Variants in DGKA observed in about 807,000 individuals in gnomAD.
DGKA encodes the protein 80 kDa diacylglycerol kinase.
In DGKA, 35 loss-of-function variants were observed where a neutral mutation model predicts 105.0. The observed-to-expected ratio is 0.33, with a 90% CI of 0.25 to 0.44. The LOEUF (loss-of-function observed/expected upper bound fraction) is 0.44, where lower values mean the gene tolerates loss of function less well. DGKA is among the 20% of genes least tolerant of loss of function. The pLI is 1.00. For missense variants in DGKA, 665 were observed against 915.0 expected, an observed-to-expected ratio of 0.73 and a Z score of 3.53; for synonymous variants, 296 against 332.0, an observed-to-expected ratio of 0.89 and a Z score of 1.18.
In DGKA at chr12:55,942,243, G is replaced by T. The variant is rs771180702; in HGVS notation, c.1406G>T (p.Arg469Leu). The part of the protein sequence containing the change: ...LPLGTGNDLA[R>L]CLRWGGGYEG... ...CTGGGTACTGGAAATGATCTGGCTC[G>T]ATGCCTAAGATGGGGAGGAGGTAAG... Residue 469 changes from arginine (R) to leucine (L), a missense_variant, in exon 17 of 24, where the codon CGA becomes CTA. This residue lies in a region of DGKA where 504 missense variants were observed against 681.2 expected (regional missense o/e 0.74). Transcript: ENST00000331886. 6.2e-7 allele frequency: 1 copy of T among 1,614,184 alleles called. No homozygotes were observed. The highest frequency in any genetic ancestry group is 8.5e-7 in the Non-Finnish European group (1 of 1,180,038).
intron 22 of DGKA, 75 bp from the exon 23 acceptor site, chr12:55,953,275 C>T: frequency 6.2e-7 from 1 of 1,611,856 alleles, no homozygotes; most frequent in Non-Finnish European, 8.5e-7. Context: ...CAAAAGGTCT[C>T]AAAGCCAACC....
intron 17 of DGKA, among the ~76,000 whole-genome samples, chr12:55,943,997 A>G (rs973727098): frequency 2.6e-5 from 4 of 152,144 alleles, no homozygotes; most frequent in Admixed American, 6.6e-5. Context: ...ATGTAGCACT[A>G]ATGAAAATGT....
intron 17 of DGKA, 150 bp downstream of exon 17, chr12:55,942,413 A>G: frequency 1.4e-6 from 1 of 707,422 alleles, no homozygotes; most frequent in Non-Finnish European, 2.4e-6. Flanking sequence ...AATGTCCAAA[A>G]AGAAGAGAGC....
intron 23 of DGKA, 84 bp from the exon 24 acceptor site, chr12:55,953,601 C>T: frequency 6.8e-7 from 1 of 1,477,488 alleles, no homozygotes. Context: ...CCACCCCAAA[C>T]CCCACAGATT....
intron 17 of DGKA, among the ~76,000 whole-genome samples, chr12:55,950,106 C>T (rs1224437425): frequency 6.6e-6 from 1 of 151,548 alleles, no homozygotes; most frequent in African/African-American, 2.4e-5. Context: ...TCCCAAGTAG[C>T]TGGGATTGCA....
rs374405724 is a variant in DGKA, at chr12:55,939,379, C to T, written c.595-36C>T. 1.8e-5 allele frequency: 29 copies of T among 1,613,776 alleles called. No homozygotes were observed. The Middle Eastern group carries it at 4.9e-4, about 27-fold the overall frequency. ...CTTGCCCGGATTGGCCCTGTAAGGG[C>T]TTTGACACTCCCTAGCATCTACTGT... is the stretch of plus-strand genomic sequence containing the variant. On this transcript the variant is annotated intron_variant, in intron 8 of 23. Transcript: ENST00000331886.
In DGKA at chr12:55,947,947, G is replaced by A. The variant is rs141325411; in HGVS notation, c.1427-3676G>A. Among the ~76,000 whole-genome samples, 520 of 151,896 alleles carry A rather than the reference G, an allele frequency of 3.4e-3. 3 individuals are homozygous for A. Among genetic ancestry groups the A allele is most frequent in the Non-Finnish European group, 3.1e-3 (211 of 67,942 alleles). ...TGGGACTAAAGGCACGCGCCACCAC[G>A]CCTGGCTAATTTTTTGTATTTTCGG... is the stretch of plus-strand genomic sequence containing the variant. On this transcript the variant is annotated intron_variant, in intron 17 of 23. Transcript: ENST00000331886.
chr12:55,935,222 C>G (rs1162344893), intron 1 of DGKA: 1 of 152,180 alleles, frequency 6.6e-6, no homozygotes, highest in African/African-American at 2.4e-5. Context: ...AAATGTCAGG[C>G]ATTGTATGAG....
At chr12:55,936,250 G>A in intron 1 of DGKA, 173 bp from the exon 2 acceptor site, 3 of 704,646 alleles carry the variant, frequency 4.3e-6, no homozygotes, top group Non-Finnish European at 6.4e-6. Flanking sequence ...TGTCAGGGAA[G>A]GTAGAGGCAT....
chr12:55,927,966 A>G (rs932998768), upstream of DGKA: 3 of 602,594 alleles, frequency 5.0e-6, no homozygotes, highest in Non-Finnish European at 5.6e-6. Context: ...TAGTATTCTA[A>G]TTAAACTCGT....
At chr12:55,941,891 G>C in intron 15 of DGKA, 107 bp from the exon 16 acceptor site, 1 of 1,186,140 alleles carries the variant, frequency 8.4e-7, no homozygotes, top group Non-Finnish European at 1.3e-6. Context: ...TGACAAAAAG[G>C]AGGAGGGTCC....
In DGKA at chr12:55,932,584, G is replaced by A; in HGVS notation, c.-82+1240G>A. On this transcript the variant is annotated intron_variant, in intron 1 of 23. Transcript: ENST00000331886. This position sits in a 1 kb window ranked among gnomAD's most constrained non-coding sequence, Gnocchi z 4.3. ...AGGAGAAATGAGCCTTCCTGAGGAA[G>A]AATGGCAAATATTACTGGGCATCTC... 1 of 702,280 alleles carries A rather than the reference G, an allele frequency of 1.4e-6. No individual in the cohort carries two copies. Among genetic ancestry groups the A allele is most frequent in the East Asian group, 2.7e-5 (1 of 37,274 alleles). 43.5% of individuals were successfully genotyped at this position (702,280 alleles called of 1,614,324 possible).
At chr12:55,944,024 G>A (rs542067773) in intron 17 of DGKA, among the ~76,000 whole-genome samples, 8 of 152,304 alleles carry the variant, frequency 5.3e-5, no homozygotes, top group South Asian at 4.1e-4. Flanking sequence ...GGCTGGGCAC[G>A]GTGGCTGATT....
At chr12:55,943,643 T>C (rs1311829000) in intron 17 of DGKA, among the ~76,000 whole-genome samples, 1 of 152,056 alleles carries the variant, frequency 6.6e-6, no homozygotes, top group African/African-American at 2.4e-5. Flanking sequence ...AACTCTTTTT[T>C]TTTCTTTTCT....
chr12:55,938,662 G>A (rs772512801), intron 6 of DGKA, 102 bp downstream of exon 6: 2 of 1,607,494 alleles, frequency 1.2e-6, no homozygotes, highest in Non-Finnish European at 1.7e-6. Flanking sequence ...GAAGAGGATG[G>A]GGGGAGAGGT....
At position 55,952,597 on chromosome 12, in the gene DGKA, A is replaced by T; in HGVS notation, c.1744-137A>T. 8.2e-7 allele frequency: 1 copy of T among 1,226,344 alleles called. No individual in the cohort carries two copies. Among genetic ancestry groups the T allele is most frequent in the Non-Finnish European group, 1.2e-6 (1 of 846,772 alleles). The allele number at this position is 1,226,344 out of a possible 1,614,324, so 76.0% of individuals were successfully genotyped here. On this transcript the variant is annotated intron_variant, in intron 20 of 23. Coordinates refer to ENST00000331886, the MANE Select transcript of DGKA (RefSeq NM_001345.5). The surrounding 1 kb of genome is among the most constrained non-coding windows in gnomAD (Gnocchi z 5.1). ...AAGTCCTCAAGATACACTAGTCCCT[A>T]TTTCCATTCCTTGCACACCTCCAAA...
In DGKA at chr12:55,940,686, C is replaced by T; in HGVS notation, c.981C>T (p.His327=). The change falls in exon 12 of 24, where the codon CAC becomes CAT. Residue 327 remains histidine (H), a synonymous_variant. Coordinates refer to ENST00000331886, the MANE Select transcript of DGKA (RefSeq NM_001345.5). The surrounding 1 kb of genome is among the most constrained non-coding windows in gnomAD (Gnocchi z 4.3). The part of the protein sequence containing the change: ...HECDCGLLRD[H]ILPPSSIYPS... ...GTGACTGTGGGCTGCTCCGGGATCACATCCTGCCTCCATCTTCCATCTATC... is the reference window on the plus strand; with the variant it reads ...GTGACTGTGGGCTGCTCCGGGATCATATCCTGCCTCCATCTTCCATCTATC... 6.2e-7 allele frequency: 1 copy of T among 1,607,854 alleles called. No individual in the cohort carries two copies.
upstream of DGKA, chr12:55,929,330 G>T (rs372506303): frequency 1.9e-3 from 289 of 152,346 alleles, 2 homozygotes; most frequent in African/African-American, 6.5e-3. Context: ...AAGAACTAAT[G>T]GGATACGTTG....
chr12:55,935,785 A>G, intron 1 of DGKA: 1 of 754,984 alleles, frequency 1.3e-6, no homozygotes, highest in African/African-American at 1.9e-5. Context: ...AACGCAGTCC[A>G]GGCGGGGCCG....
Sources: gnomAD v4.1 joint callset for allele counts (sites outside exome capture counted in the v4.1 genomes callset) on GRCh38, gnomAD v4.1.1 for gene constraint, gnomAD v4.1.1 regional missense constraint, Gnocchi (gnomAD v3.1) non-coding constraint, MANE v1.5 for transcripts, NCBI Gene and HGNC (gene_info 2026-07-23, HGNC 2026-07-21) for gene names.